Variants in KLF12 observed in about 807,000 individuals in gnomAD.
KLF12 encodes the protein Krueppel-like factor 12.
Under a neutral mutation model 37.8 loss-of-function variants are expected in KLF12, and 9 were observed. That is an observed-to-expected ratio of 0.24 (90% CI 0.14 to 0.42). KLF12 has a LOEUF of 0.42. KLF12 is among the 10% of genes least tolerant of loss of function. KLF12 has a pLI of 1.00. For missense variants in KLF12, 411 were observed against 516.0 expected, an observed-to-expected ratio of 0.80 and a Z score of 1.97; for synonymous variants, 208 against 202.1, an observed-to-expected ratio of 1.03 and a Z score of -0.25.
chr13:74,071,915 A>T (rs188771780), intron 1 of KLF12, among the ~76,000 whole-genome samples: 139 of 152,300 alleles, frequency 9.1e-4, no homozygotes, highest in African/African-American at 3.3e-3. Context: ...TCCACATATT[A>T]ACAGAAGAGT....
At chr13:73,974,310 C>CAAAAAAA (rs61516158) in intron 2 of KLF12, among the ~76,000 whole-genome samples, 6 of 146,300 alleles carry the variant, frequency 4.1e-5, no homozygotes, top group Middle Eastern at 3.5e-3. Flanking sequence ...AACTTCAAGA[C>CAAAAAAA]AAAAAAAAAA....
At chr13:73,834,920 C>T (rs948192997) in intron 4 of KLF12, among the ~76,000 whole-genome samples, 10 of 152,324 alleles carry the variant, frequency 6.6e-5, no homozygotes, top group Admixed American at 4.6e-4. Context: ...GCCATATATA[C>T]GCTTCCATTT....
chr13:73,944,775 T>C (rs1454557923), intron 2 of KLF12, among the ~76,000 whole-genome samples: 1 of 152,056 alleles, frequency 6.6e-6, no homozygotes, highest in East Asian at 1.9e-4. Flanking sequence ...TCAAACACCA[T>C]TTATAAAAGA....
chr13:74,129,911 A>C (rs1878169082), intron 1 of KLF12, among the ~76,000 whole-genome samples: 1 of 152,230 alleles, frequency 6.6e-6, no homozygotes, highest in African/African-American at 2.4e-5. Flanking sequence ...TGTGTTCTCT[A>C]CCACAAGAAC....
In KLF12 at chr13:74,017,519, C is replaced by T. The variant is rs575048846; in HGVS notation, c.-31-22466G>A. The stretch of plus-strand genomic sequence containing the variant: ...AACACTGCCATAAAAAGCTATAGTA[C>T]GTTGGTACCAACTTTATCAAAAGAG... On this transcript the variant is annotated intron_variant, in intron 1 of 7. Transcript: ENST00000377669. 7.3e-5 allele frequency among the ~76,000 whole-genome samples: 11 copies of T among 151,322 alleles called. No homozygotes were observed. The South Asian group carries it at 1.3e-3, about 17-fold the overall frequency.
At chr13:73,972,243 G>C (rs1891368546) in intron 2 of KLF12, among the ~76,000 whole-genome samples, 1 of 152,082 alleles carries the variant, frequency 6.6e-6, no homozygotes, top group Non-Finnish European at 1.5e-5. Context: ...GCAGAATAAA[G>C]AAACACTGAC....
chr13:73,813,405 C>T, intron 4 of KLF12, 118 bp from the exon 5 acceptor site: 1 of 1,091,658 alleles, frequency 9.2e-7, no homozygotes, highest in Non-Finnish European at 1.3e-6. Context: ...ATTCTCTAGA[C>T]ATCACAGGAA....
intron 1 of KLF12, among the ~76,000 whole-genome samples, chr13:74,037,528 T>C (rs1271539042): frequency 2.0e-5 from 3 of 152,194 alleles, no homozygotes; most frequent in South Asian, 2.1e-4. Context: ...CAAATTTTTT[T>C]TGCTCACAGA....
intron 2 of KLF12, among the ~76,000 whole-genome samples, chr13:73,956,723 C>A (rs1890845099): frequency 6.6e-6 from 1 of 152,006 alleles, no homozygotes; most frequent in Admixed American, 6.6e-5. Context: ...GAGTTTCAGA[C>A]CAGCCCTGGC....
the KLF12 span, among the ~76,000 whole-genome samples, chr13:74,265,762 A>G: frequency 1.3e-5 from 2 of 152,172 alleles, no homozygotes; most frequent in Non-Finnish European, 1.5e-5. Flanking sequence ...CTGGCTAAAT[A>G]CTCACATTTA....
intron 1 of KLF12, among the ~76,000 whole-genome samples, chr13:74,006,487 T>C (rs1442415521): frequency 2.6e-5 from 4 of 152,210 alleles, no homozygotes; most frequent in African/African-American, 4.8e-5. Context: ...TTTGTCCACA[T>C]ATATGTATCA....
chr13:73,804,134 AC>A (rs1566378982), intron 5 of KLF12, among the ~76,000 whole-genome samples: 2 of 151,952 alleles, frequency 1.3e-5, no homozygotes, highest in African/African-American at 4.8e-5. Context: ...AGTCATTATG[AC>A]CTTATACACT....
At chr13:74,148,206 C>A in the KLF12 span, among the ~76,000 whole-genome samples, 1 of 152,030 alleles carries the variant, frequency 6.6e-6, no homozygotes, top group Middle Eastern at 3.2e-3. Context: ...TGAGCCACCA[C>A]CCCCGGCCTG....
chr13:74,135,624 C>G (rs1566230293), upstream of KLF12, among the ~76,000 whole-genome samples: 2 of 151,460 alleles, frequency 1.3e-5, no homozygotes, highest in South Asian at 2.1e-4. Flanking sequence ...CGGACGGAGG[C>G]GGGAGGCTGT....
intron 5 of KLF12, among the ~76,000 whole-genome samples, chr13:73,784,603 C>T (rs1294636404): frequency 6.6e-6 from 1 of 151,678 alleles, no homozygotes; most frequent in East Asian, 1.9e-4. Flanking sequence ...TCCTCCACTC[C>T]AGCATCTCTG....
the KLF12 span, among the ~76,000 whole-genome samples, chr13:74,200,474 T>C: frequency 1.8e-4 from 27 of 152,238 alleles, no homozygotes; most frequent in African/African-American, 5.8e-4. Flanking sequence ...ATCATCTGCC[T>C]GGATTTCGTC....
chr13:73,895,020 T>C (rs956360017), intron 3 of KLF12, among the ~76,000 whole-genome samples: 1 of 152,256 alleles, frequency 6.6e-6, no homozygotes, highest in Non-Finnish European at 1.5e-5. Flanking sequence ...CTTGGCATTA[T>C]ATAATAAAGC....
At chr13:74,103,459 T>C (rs1876476577) in intron 1 of KLF12, among the ~76,000 whole-genome samples, 1 of 152,144 alleles carries the variant, frequency 6.6e-6, no homozygotes. Context: ...GTACTCTAAA[T>C]CTAACACAGC....
the KLF12 span, among the ~76,000 whole-genome samples, chr13:74,297,006 G>A: frequency 6.6e-6 from 1 of 152,158 alleles, no homozygotes; most frequent in East Asian, 1.9e-4. Flanking sequence ...TGGTAACATA[G>A]CAACTATAAA....
Sources: gnomAD v4.1 joint callset for allele counts (sites outside exome capture counted in the v4.1 genomes callset) on GRCh38, gnomAD v4.1.1 for gene constraint, MANE v1.5 for transcripts, NCBI Gene and HGNC (gene_info 2026-07-23, HGNC 2026-07-21) for gene names.